SLIT2: variants seen among roughly 807,000 people sequenced by gnomAD.
The protein encoded by SLIT2 is slit guidance ligand 2, also known as slit homolog 2 protein.
A neutral mutation model predicts 185.7 loss-of-function variants in SLIT2; 41 were observed. The observed-to-expected ratio is 0.22, with a 90% CI of 0.17 to 0.29. The LOEUF (loss-of-function observed/expected upper bound fraction) is 0.29, where lower values mean the gene tolerates loss of function less well. Among genes scored for constraint, SLIT2 ranks in the 10% least tolerant of loss-of-function variants. SLIT2 has a pLI of 1.00. For missense variants in SLIT2, 1,571 were observed against 1,909.0 expected (o/e 0.82, Z 3.30); for synonymous variants, 693 against 680.2 (o/e 1.02, Z -0.29).
At chr4:20,418,510 A>G (rs1000116088) in intron 4 of SLIT2, among the ~76,000 whole-genome samples, 103 of 152,288 alleles carry the variant, frequency 6.8e-4, no homozygotes, top group African/African-American at 2.2e-3. Context: ...TAGATCTACT[A>G]TGGGATACAA....
At chr4:20,437,384 G>T (rs2148693679) in intron 4 of SLIT2, among the ~76,000 whole-genome samples, 1 of 152,268 alleles carries the variant, frequency 6.6e-6, no homozygotes. Context: ...GGAGGCCAAG[G>T]CCTGAGGATC....
intron 4 of SLIT2, among the ~76,000 whole-genome samples, chr4:20,428,528 G>C (rs1178420658): frequency 6.6e-6 from 1 of 152,156 alleles, no homozygotes; most frequent in Non-Finnish European, 1.5e-5. Context: ...GATATGCCGA[G>C]ATATACTTAT....
chr4:20,439,620 T>C (rs1729595596), intron 4 of SLIT2, among the ~76,000 whole-genome samples: 1 of 152,142 alleles, frequency 6.6e-6, no homozygotes. Flanking sequence ...AAAGACCCAT[T>C]TAAATAAGGA....
chr4:20,378,468 T>C (rs1724216350), intron 4 of SLIT2, among the ~76,000 whole-genome samples: 1 of 152,138 alleles, frequency 6.6e-6, no homozygotes, highest in African/African-American at 2.4e-5. Flanking sequence ...GGATTACTCA[T>C]GGAGTTTCAG....
chr4:20,523,141 G>A (rs1174173984), intron 12 of SLIT2, among the ~76,000 whole-genome samples: 1 of 152,074 alleles, frequency 6.6e-6, no homozygotes, highest in Non-Finnish European at 1.5e-5. Context: ...ACAAAGAATA[G>A]GAGAGCCTGG....
intron 4 of SLIT2, among the ~76,000 whole-genome samples, chr4:20,396,337 T>C (rs571407791): frequency 6.6e-6 from 1 of 151,996 alleles, no homozygotes; most frequent in East Asian, 1.9e-4. Flanking sequence ...AAAGAAGATA[T>C]GGTAATCATA....
intron 11 of SLIT2, among the ~76,000 whole-genome samples, chr4:20,515,283 C>T (rs1167142835): frequency 2.6e-5 from 4 of 152,186 alleles, no homozygotes; most frequent in African/African-American, 7.2e-5. Flanking sequence ...ATGGCAAATT[C>T]ATCTCTTGAT....
intron 4 of SLIT2, among the ~76,000 whole-genome samples, chr4:20,311,705 A>AT (rs1382839454): frequency 6.6e-6 from 1 of 152,172 alleles, no homozygotes; most frequent in Non-Finnish European, 1.5e-5. Context: ...ATCATTCTTT[A>AT]TGGAAGATTT....
intron 4 of SLIT2, among the ~76,000 whole-genome samples, chr4:20,367,057 C>T (rs968026530): frequency 5.3e-5 from 8 of 152,022 alleles, no homozygotes; most frequent in African/African-American, 1.9e-4. Context: ...CTTCAGCTTC[C>T]CAAAGGGTTG....
chr4:20,525,488 T>C (rs773299912), intron 15 of SLIT2, among the ~76,000 whole-genome samples: 2 of 152,152 alleles, frequency 1.3e-5, no homozygotes, highest in Non-Finnish European at 2.9e-5. Context: ...CTCCTTACAT[T>C]GTATATCTGA....
chr4:20,614,412 T>G (rs1729478297), intron 34 of SLIT2, among the ~76,000 whole-genome samples: 1 of 152,060 alleles, frequency 6.6e-6, no homozygotes, highest in South Asian at 2.1e-4. Flanking sequence ...ATCTGTTGGT[T>G]GATTGATTGA....
At chr4:20,461,080 A>T (rs1217295757) in intron 4 of SLIT2, among the ~76,000 whole-genome samples, 1 of 152,200 alleles carries the variant, frequency 6.6e-6, no homozygotes, top group East Asian at 1.9e-4. Flanking sequence ...GCACAGCATC[A>T]CATAGTTGAT....
chr4:20,323,873 G>A (rs1051664620), intron 4 of SLIT2, among the ~76,000 whole-genome samples: 1 of 152,112 alleles, frequency 6.6e-6, no homozygotes, highest in Admixed American at 6.6e-5. Context: ...CATATAGAAT[G>A]TGTTCAGTTT....
intron 4 of SLIT2, among the ~76,000 whole-genome samples, chr4:20,275,543 C>G (rs1003522554): frequency 1.3e-5 from 2 of 152,166 alleles, no homozygotes; most frequent in Admixed American, 1.3e-4. Context: ...CAGCAAAGTT[C>G]CTGATACTAT....
chr4:20,485,466 T>C (rs955009863), intron 6 of SLIT2, among the ~76,000 whole-genome samples: 25 of 152,162 alleles, frequency 1.6e-4, no homozygotes, highest in Non-Finnish European at 3.2e-4. Context: ...AAGGATGTTA[T>C]TTATTTTCAC....
intron 33 of SLIT2, among the ~76,000 whole-genome samples, chr4:20,605,070 G>A (rs920164854): frequency 6.6e-6 from 1 of 151,886 alleles, no homozygotes; most frequent in African/African-American, 2.4e-5. Context: ...TCCTGACATC[G>A]AGATCCACCC....
intron 26 of SLIT2, among the ~76,000 whole-genome samples, chr4:20,557,175 C>T (rs942386665): frequency 6.6e-6 from 1 of 152,024 alleles, no homozygotes; most frequent in Non-Finnish European, 1.5e-5. Flanking sequence ...GCAAGTTACC[C>T]AGAAGATCTA....
At chr4:20,334,406 A>G (rs544300576) in intron 4 of SLIT2, among the ~76,000 whole-genome samples, 1 of 152,260 alleles carries the variant, frequency 6.6e-6, no homozygotes, top group Admixed American at 6.5e-5. Context: ...GTTAACTGGA[A>G]CTGAAATCCT....
At chr4:20,381,024 C>T (rs971716683) in intron 4 of SLIT2, among the ~76,000 whole-genome samples, 1 of 152,002 alleles carries the variant, frequency 6.6e-6, no homozygotes, top group Non-Finnish European at 1.5e-5. Context: ...GAGGCCTAGG[C>T]GGGTGGATCA....
Sources: gnomAD v4.1 joint callset for allele counts (sites outside exome capture counted in the v4.1 genomes callset) on GRCh38, gnomAD v4.1.1 for gene constraint, MANE v1.5 for transcripts, NCBI Gene and HGNC (gene_info 2026-07-23, HGNC 2026-07-21) for gene names.